FMO1: variants seen among roughly 807,000 people sequenced by gnomAD.
The protein encoded by FMO1 is flavin containing dimethylaniline monoxygenase 1.
Under a neutral mutation model 45.4 loss-of-function variants are expected in FMO1, and 36 were observed. The observed-to-expected ratio is 0.79, with a 90% CI of 0.61 to 1.05. The LOEUF is 1.05. Ranked by LOEUF, FMO1 falls within the 50% of genes least tolerant of loss-of-function variation. The pLI is 0.00. For synonymous variants in FMO1, 228 were observed against 227.2 expected, an observed-to-expected ratio of 1.00 and a Z score of -0.03; for missense variants, 615 against 640.3, an observed-to-expected ratio of 0.96 and a Z score of 0.43.
chr1:171,267,765 G>C, intron 3 of FMO1, 34 bp downstream of exon 3: 2 of 1,519,310 alleles, frequency 1.3e-6, no homozygotes, highest in Non-Finnish European at 1.8e-6. Flanking sequence ...TAGTCAGAAA[G>C]TATTTCCTAC....
intron 2 of FMO1, among the ~76,000 whole-genome samples, chr1:171,260,652 C>T (rs1558006359): frequency 6.6e-6 from 1 of 151,966 alleles, no homozygotes; most frequent in Non-Finnish European, 1.5e-5. Flanking sequence ...GAAGGTCAGC[C>T]AGGCACGGTG....
Position 171,258,166 on chromosome 1 carries a change from G to T in FMO1, c.79G>T (p.Glu27Ter). 6.2e-7 allele frequency: 1 copy of T among 1,614,162 alleles called. No individual in the cohort carries two copies. Among genetic ancestry groups the T allele is most frequent in the Non-Finnish European group, 8.5e-7 (1 of 1,180,024 alleles). The change falls in exon 2 of 9, where the codon GAG (glutamate) becomes TAG (stop). Residue 27 changes from glutamate (E) to a stop codon, truncating the protein, a stop_gained. Coordinates refer to ENST00000617670, the MANE Select transcript of FMO1 (RefSeq NM_001282693.2). LOFTEE classifies it high-confidence loss of function. Reference sequence around the variant, plus strand: ...CAAGTGCTGTCTGGAAGAAGGACTGGAGCCCACCTGCTTTGAGAGGAGCGA... The same window carrying T: ...CAAGTGCTGTCTGGAAGAAGGACTGTAGCCCACCTGCTTTGAGAGGAGCGA... ...SIKCCLEEGL[E>*]PTCFERSDDL...
In FMO1 at chr1:171,267,755, T is replaced by C. The variant is rs766482936; in HGVS notation, c.321+24T>C. Reference sequence around the variant, plus strand: ...AGGTAAGACACAAAACATCAGTTAGTAGTCAGAAAGTATTTCCTACCTATT... The same window carrying C: ...AGGTAAGACACAAAACATCAGTTAGCAGTCAGAAAGTATTTCCTACCTATT... On this transcript the variant is annotated intron_variant, in intron 3 of 8. Transcript: ENST00000617670. 13 of 1,568,192 alleles carry C rather than the reference T, an allele frequency of 8.3e-6. No individual in the cohort carries two copies. The South Asian group carries it at 1.5e-4, about 18-fold the overall frequency.
At chr1:171,253,064 A>G (rs1659970019) in intron 1 of FMO1, among the ~76,000 whole-genome samples, 1 of 152,168 alleles carries the variant, frequency 6.6e-6, no homozygotes, top group Non-Finnish European at 1.5e-5. Context: ...CTCATATGGG[A>G]ACATGGTGAT....
chr1:171,272,126 G>T (rs752369266), intron 3 of FMO1, among the ~76,000 whole-genome samples: 4 of 152,266 alleles, frequency 2.6e-5, no homozygotes, highest in Admixed American at 6.5e-5. Context: ...CATCCCAGCT[G>T]CTCCAGCTGT....
intron 2 of FMO1, among the ~76,000 whole-genome samples, chr1:171,260,008 A>C (rs965268342): frequency 3.3e-5 from 5 of 152,260 alleles, no homozygotes; most frequent in Non-Finnish European, 1.5e-5. Flanking sequence ...AAAAGGCTTC[A>C]CTGAAGAGGT....
At chr1:171,254,385 G>A (rs191110700) in intron 1 of FMO1, among the ~76,000 whole-genome samples, 14 of 152,040 alleles carry the variant, frequency 9.2e-5, no homozygotes, top group Admixed American at 2.6e-4. Flanking sequence ...CCACCACCCC[G>A]GCCCGAGTTA....
At chr1:171,256,739 C>T (rs1660176851) in intron 1 of FMO1, among the ~76,000 whole-genome samples, 1 of 152,118 alleles carries the variant, frequency 6.6e-6, no homozygotes, top group South Asian at 2.1e-4. Context: ...TGAGCTGCTT[C>T]TCTCAGGTTC....
At chr1:171,267,441 T>C (rs1043228993) in intron 2 of FMO1, 102 bp from the exon 3 acceptor site, 5 of 706,866 alleles carry the variant, frequency 7.1e-6, no homozygotes, top group Admixed American at 2.7e-5. Context: ...TATATTCTCC[T>C]GTGCTTGGCA....
intron 3 of FMO1, chr1:171,270,512 AT>A: frequency 1.8e-5 from 17 of 937,526 alleles, no homozygotes; most frequent in Non-Finnish European, 2.2e-5. Context: ...AAAAATTTGT[AT>A]TTACTTAGAA....
At chr1:171,263,395 T>C (rs1438433605) in intron 2 of FMO1, among the ~76,000 whole-genome samples, 1 of 152,198 alleles carries the variant, frequency 6.6e-6, no homozygotes, top group Non-Finnish European at 1.5e-5. Flanking sequence ...AGTATGAACC[T>C]AGGCAGTCTG....
chr1:171,282,874 A>G (rs12049309), intron 7 of FMO1: 1 of 368,124 alleles, frequency 2.7e-6, no homozygotes. Flanking sequence ...ACTCAAGCAA[A>G]TGAGTGACAA....
At chr1:171,257,840 C>G in intron 1 of FMO1, 1 of 474,048 alleles carries the variant, frequency 2.1e-6, no homozygotes, top group East Asian at 4.2e-5. Flanking sequence ...GAAGCTACAG[C>G]CTTGACAACT....
chr1:171,265,849 T>C (rs1202515845), intron 2 of FMO1, among the ~76,000 whole-genome samples: 1 of 152,210 alleles, frequency 6.6e-6, no homozygotes, highest in Non-Finnish European at 1.5e-5. Context: ...TTTCTAAACA[T>C]TGCTTAACAG....
At chr1:171,275,633 C>T in intron 4 of FMO1, 125 bp downstream of exon 4, 7 of 654,340 alleles carry the variant, frequency 1.1e-5, no homozygotes, top group South Asian at 3.1e-5. Context: ...TAGGAGGAGG[C>T]TTTTTTTGTT....
chr1:171,261,929 G>A (rs569782141), intron 2 of FMO1, among the ~76,000 whole-genome samples: 1 of 152,232 alleles, frequency 6.6e-6, no homozygotes, highest in African/African-American at 2.4e-5. Context: ...ATGCTACAGG[G>A]ATAAAGAACC....
At chr1:171,266,115 GT>G (rs1331627907) in intron 2 of FMO1, among the ~76,000 whole-genome samples, 2 of 152,128 alleles carry the variant, frequency 1.3e-5, no homozygotes, top group African/African-American at 4.8e-5. Context: ...TTGGATAACA[GT>G]TTTCAAAATA....
chr1:171,271,233 G>A, intron 3 of FMO1: 1 of 965,534 alleles, frequency 1.0e-6, no homozygotes, highest in Admixed American at 1.9e-5. Context: ...TAATGGGCAG[G>A]CCAAGTTGTT....
chr1:171,279,136 CA>C (rs1204523159), intron 5 of FMO1, among the ~76,000 whole-genome samples: 1 of 148,152 alleles, frequency 6.7e-6, no homozygotes, highest in Non-Finnish European at 1.5e-5. Context: ...ACAAGAGCTA[CA>C]GGACATGTTT....
Sources: allele counts gnomAD v4.1 joint callset (sites outside exome capture counted in the v4.1 genomes callset), GRCh38; gene constraint gnomAD v4.1.1; transcripts MANE v1.5; gene names NCBI Gene and HGNC (gene_info 2026-07-23, HGNC 2026-07-21).